The following RGS6 variants were observed in gnomAD, a reference collection of about 807,000 sequenced individuals.
RGS6 encodes the protein regulator of G-protein signaling 6.
In RGS6, 30 loss-of-function variants were observed where a neutral mutation model predicts 78.5. The ratio of observed to expected loss-of-function variants is 0.38; its 90% CI spans 0.29 to 0.52. The LOEUF is 0.52. RGS6 is among the 20% of genes least tolerant of loss of function. The pLI is 0.85. For synonymous variants in RGS6, 206 were observed against 206.0 expected, an observed-to-expected ratio of 1.00 and a Z score of 0.00; for missense variants, 495 against 609.7, an observed-to-expected ratio of 0.81 and a Z score of 1.98.
the RGS6 span, among the ~76,000 whole-genome samples, chr14:71,908,748 C>A: frequency 6.6e-6 from 1 of 152,126 alleles, no homozygotes; most frequent in East Asian, 1.9e-4. Context: ...GGAGGGAATG[C>A]CCTTCTAGGG....
chr14:72,111,483 A>G (rs572834187), intron 2 of RGS6, among the ~76,000 whole-genome samples: 2 of 152,298 alleles, frequency 1.3e-5, no homozygotes, highest in South Asian at 4.1e-4. Context: ...TACACATCTA[A>G]TAGAATCTTA....
intron 12 of RGS6, among the ~76,000 whole-genome samples, chr14:72,479,631 A>G (rs2096324421): frequency 6.6e-6 from 1 of 152,186 alleles, no homozygotes; most frequent in Non-Finnish European, 1.5e-5. Flanking sequence ...TGAGGTACTG[A>G]TCACTCTGGA....
chr14:72,179,904 A>C (rs553045218), intron 2 of RGS6, among the ~76,000 whole-genome samples: 5 of 152,182 alleles, frequency 3.3e-5, no homozygotes, highest in Non-Finnish European at 5.9e-5. Flanking sequence ...TCTAATGCAC[A>C]TTGAAGTTTG....
intron 2 of RGS6, among the ~76,000 whole-genome samples, chr14:72,251,305 C>A (rs1462505453): frequency 6.6e-6 from 1 of 152,136 alleles, no homozygotes; most frequent in African/African-American, 2.4e-5. Flanking sequence ...CTTCTCTTCT[C>A]CAGTGGTTAA....
chr14:72,008,047 G>A (rs1468395986), intron 2 of RGS6, among the ~76,000 whole-genome samples: 2 of 152,186 alleles, frequency 1.3e-5, no homozygotes, highest in African/African-American at 4.8e-5. Flanking sequence ...AGATTTCAAA[G>A]GGTGAGACTA....
At chr14:72,414,736 G>C (rs1290929519) in intron 3 of RGS6, among the ~76,000 whole-genome samples, 2 of 152,052 alleles carry the variant, frequency 1.3e-5, no homozygotes, top group Non-Finnish European at 2.9e-5. Flanking sequence ...TTTTGGTGTG[G>C]ATGTCCTTTC....
rs953082979 is a variant in RGS6, at chr14:72,469,694, C to T, written c.460-313C>T. 7 of 218,890 alleles carry T rather than the reference C, an allele frequency of 3.2e-5. No individual in the cohort carries two copies. In the South Asian group the frequency reaches 8.8e-4, roughly 27 times the overall value. The allele number at this position is 218,890 out of a possible 1,614,324, so 13.6% of individuals were successfully genotyped here. On this transcript the variant is annotated intron_variant, in intron 7 of 17. Transcript: ENST00000553525. ...TTCCCCAATAACCACAGACAATTTT[C>T]CCGATTTTCAGCAACCTTTGAAACA...
intron 3 of RGS6, among the ~76,000 whole-genome samples, chr14:72,398,653 A>G (rs2091877418): frequency 1.3e-5 from 2 of 152,060 alleles, no homozygotes; most frequent in African/African-American, 2.4e-5. Flanking sequence ...TAGGGTGTCA[A>G]TTTTAGACCT....
At chr14:72,532,098 A>C (rs2097189419) in intron 15 of RGS6, among the ~76,000 whole-genome samples, 1 of 152,186 alleles carries the variant, frequency 6.6e-6, no homozygotes, top group Non-Finnish European at 1.5e-5. Context: ...GTTTTTTACA[A>C]ATTGAAGGTT....
intron 2 of RGS6, among the ~76,000 whole-genome samples, chr14:72,302,797 T>A (rs911858038): frequency 5.3e-5 from 8 of 152,162 alleles, no homozygotes; most frequent in African/African-American, 1.9e-4. Context: ...CCCAGCCAGA[T>A]CTCATCTTGA....
At chr14:72,171,227 GACAC>G (rs745588631) in intron 2 of RGS6, among the ~76,000 whole-genome samples, 1 of 152,046 alleles carries the variant, frequency 6.6e-6, no homozygotes, top group Non-Finnish European at 1.5e-5. Context: ...CATATGCACA[GACAC>G]ACACAAGAGG....
At chr14:72,374,867 A>G (rs185010196) in intron 3 of RGS6, among the ~76,000 whole-genome samples, 1 of 152,332 alleles carries the variant, frequency 6.6e-6, no homozygotes, top group East Asian at 1.9e-4. Context: ...GAGTACTGGA[A>G]GTATGTTGAA....
chr14:72,444,560 G>A lies in RGS6; in HGVS notation c.185-9968G>A, dbSNP rs1035603160. 3.3e-5 allele frequency among the ~76,000 whole-genome samples: 5 copies of A among 152,082 alleles called. No homozygotes were observed. The East Asian group carries it at 7.7e-4, about 23-fold the overall frequency. ...CAAATAGATGAGCCCATCCTTTCTCGGTCTGGGGTCTTCTCCCTCAGCGTG... is the reference window on the plus strand; with the variant it reads ...CAAATAGATGAGCCCATCCTTTCTCAGTCTGGGGTCTTCTCCCTCAGCGTG... On this transcript the variant is annotated intron_variant, in intron 3 of 17. Coordinates refer to ENST00000553525, the MANE Select transcript of RGS6 (RefSeq NM_001204424.2).
intron 2 of RGS6, among the ~76,000 whole-genome samples, chr14:72,103,066 G>A (rs375016254): frequency 1.2e-4 from 18 of 152,152 alleles, no homozygotes; most frequent in Non-Finnish European, 1.0e-4. Flanking sequence ...TGAGACCTCC[G>A]TTATTTCAGA....
rs577636775 is a variant in RGS6 at position 72,392,284 on chromosome 14, A to G, written c.184+40090A>G. On this transcript the variant is annotated intron_variant, in intron 3 of 17. Coordinates refer to ENST00000553525, the MANE Select transcript of RGS6 (RefSeq NM_001204424.2). ...GAGGCTGTTGTCTTTACATCTGACC[A>G]TGAGATGTTGGAGCTTGAAGTCCAA... Among the ~76,000 whole-genome samples the G allele has an allele frequency of 2.0e-5, 3 of 152,202 alleles. No homozygotes were observed. The East Asian group carries it at 5.8e-4, about 29-fold the overall frequency.
At chr14:71,980,996 C>T (rs1301991853) in intron 2 of RGS6, among the ~76,000 whole-genome samples, 2 of 143,056 alleles carry the variant, frequency 1.4e-5, no homozygotes, top group African/African-American at 5.2e-5. Flanking sequence ...TCCCTTCTCA[C>T]TTCATTTCAT....
intron 13 of RGS6, among the ~76,000 whole-genome samples, chr14:72,501,723 G>A (rs1598399631): frequency 6.6e-6 from 1 of 152,174 alleles, no homozygotes; most frequent in African/African-American, 2.4e-5. Context: ...GAAACCTGGT[G>A]TTGTCAGCAG....
At chr14:72,444,582 C>T (rs1178206183) in intron 3 of RGS6, among the ~76,000 whole-genome samples, 1 of 152,172 alleles carries the variant, frequency 6.6e-6, no homozygotes, top group Non-Finnish European at 1.5e-5. Context: ...TCTCCCTCAG[C>T]GTGGGATCTA....
chr14:72,001,895 CTTT>C (rs59274317), intron 2 of RGS6, among the ~76,000 whole-genome samples: 129 of 92,520 alleles, frequency 1.4e-3, no homozygotes, highest in Middle Eastern at 9.1e-3. Context: ...ATCCATTAAT[CTTT>C]TTTTTTTTTT....
Sources: gnomAD v4.1 joint callset for allele counts (sites outside exome capture counted in the v4.1 genomes callset) on GRCh38, gnomAD v4.1.1 for gene constraint, MANE v1.5 for transcripts, NCBI Gene and HGNC (gene_info 2026-07-23, HGNC 2026-07-21) for gene names.